MIPOL1: variants seen among roughly 807,000 people sequenced by gnomAD.
The protein encoded by MIPOL1 is mirror-image polydactyly gene 1 protein.
In MIPOL1, 57 loss-of-function variants were observed where a neutral mutation model predicts 60.9. The observed-to-expected ratio is 0.94, with a 90% CI of 0.76 to 1.17. The LOEUF (loss-of-function observed/expected upper bound fraction) is 1.17, where lower values mean the gene tolerates loss of function less well. MIPOL1 is among the 50% of genes most tolerant of loss of function. The pLI is 0.00. For synonymous variants in MIPOL1, 179 were observed against 168.8 expected (o/e 1.06, Z -0.47); for missense variants, 551 against 511.6 (o/e 1.08, Z -0.74).
At chr14:37,369,909 G>T in intron 10 of MIPOL1, 1 of 169,794 alleles carries the variant, frequency 5.9e-6, no homozygotes, top group Non-Finnish European at 1.3e-5. Context: ...ACCTTTTGTA[G>T]TTAATAAAAA....
rs1364536023 is a variant in MIPOL1, at chr14:37,428,245, TC to T, written c.1031+5297del. Reference sequence around the variant, plus strand: ...CAATGGAGGATGTATGATCAGCTCTTCGTTTTAGGGGCAGATTAAAATATGA... The same window carrying T: ...CAATGGAGGATGTATGATCAGCTCTTGTTTTAGGGGCAGATTAAAATATGA... On this transcript the variant is annotated intron_variant, in intron 11 of 12. Transcript: ENST00000684589. Among the ~76,000 whole-genome samples, 4 of 152,254 alleles carry T rather than the reference TC, an allele frequency of 2.6e-5. No individual in the cohort carries two copies. In the East Asian group the frequency reaches 7.7e-4, roughly 29 times the overall value.
chr14:37,376,805 G>T (rs1381670453), intron 10 of MIPOL1, among the ~76,000 whole-genome samples: 1 of 152,116 alleles, frequency 6.6e-6, no homozygotes, highest in Non-Finnish European at 1.5e-5. Flanking sequence ...GTACTAAGGA[G>T]TGCAATTTCT....
In MIPOL1 at chr14:37,231,435, A is replaced by G. The variant is rs929217431; in HGVS notation, c.-198-15668A>G. Among the ~76,000 whole-genome samples the G allele has an allele frequency of 2.0e-5, 3 of 152,150 alleles. No individual in the cohort carries two copies. The South Asian group carries it at 6.2e-4, about 32-fold the overall frequency. On this transcript the variant is annotated intron_variant, in intron 1 of 12. Coordinates refer to ENST00000684589, the MANE Select transcript of MIPOL1 (RefSeq NM_001388067.1). ...AATTATTTTAAATGGCTTGCACTCA[A>G]TGATTTGCCAAAATAATGGAAGTTC... is the stretch of plus-strand genomic sequence containing the variant.
intron 10 of MIPOL1, among the ~76,000 whole-genome samples, chr14:37,403,738 C>T (rs2153532431): frequency 6.6e-6 from 1 of 152,122 alleles, no homozygotes; most frequent in South Asian, 2.1e-4. Context: ...TGTTAATTGT[C>T]CTGATGTCTA....
chr14:37,527,493 T>A (rs907541191), intron 12 of MIPOL1, among the ~76,000 whole-genome samples: 3 of 152,138 alleles, frequency 2.0e-5, no homozygotes, highest in Non-Finnish European at 4.4e-5. Flanking sequence ...TTTGTTTATC[T>A]TAGCAAATAA....
At chr14:37,334,569 G>A (rs1401813134) in intron 9 of MIPOL1, among the ~76,000 whole-genome samples, 1 of 151,726 alleles carries the variant, frequency 6.6e-6, no homozygotes, top group African/African-American at 2.4e-5. Context: ...ATATTTTTCG[G>A]TATATTCAGA....
At chr14:37,280,717 G>A (rs1259155815) in intron 6 of MIPOL1, among the ~76,000 whole-genome samples, 2 of 152,080 alleles carry the variant, frequency 1.3e-5, no homozygotes, top group Admixed American at 1.3e-4. Context: ...GGAGTGCAGT[G>A]GCACGATCTT....
chr14:37,423,540 A>G (rs1028396293), intron 11 of MIPOL1: 2 of 151,938 alleles, frequency 1.3e-5, no homozygotes, highest in Admixed American at 6.6e-5. Context: ...TATGTGAGAA[A>G]GAGAAAAAAG....
intron 9 of MIPOL1, among the ~76,000 whole-genome samples, chr14:37,364,692 C>T (rs1242311179): frequency 6.6e-6 from 1 of 152,076 alleles, no homozygotes; most frequent in Non-Finnish European, 1.5e-5. Flanking sequence ...CTTAGGGTAA[C>T]TTTGGTTCTT....
chr14:37,498,909 A>G (rs1262110463), intron 11 of MIPOL1, among the ~76,000 whole-genome samples: 1 of 152,164 alleles, frequency 6.6e-6, no homozygotes, highest in Non-Finnish European at 1.5e-5. Flanking sequence ...AGATATTAGG[A>G]CAATGCCAAA....
intron 11 of MIPOL1, among the ~76,000 whole-genome samples, chr14:37,472,923 A>G (rs1178048431): frequency 6.6e-6 from 1 of 152,152 alleles, no homozygotes; most frequent in Non-Finnish European, 1.5e-5. Context: ...AGGTGCTTCA[A>G]TGTATCCCTA....
chr14:37,287,634 T>C (rs906630476), intron 7 of MIPOL1, among the ~76,000 whole-genome samples: 2 of 152,204 alleles, frequency 1.3e-5, no homozygotes, highest in Non-Finnish European at 1.5e-5. Flanking sequence ...TAATAGTCAA[T>C]TGAAGTGAAA....
At chr14:37,318,336 C>T (rs1441661222) in intron 9 of MIPOL1, among the ~76,000 whole-genome samples, 4 of 151,990 alleles carry the variant, frequency 2.6e-5, no homozygotes. Context: ...AGAAATTTGA[C>T]AAAAAGGTTA....
chr14:37,355,229 T>C (rs1210793382), intron 9 of MIPOL1, among the ~76,000 whole-genome samples: 138 of 142,892 alleles, frequency 9.7e-4, no homozygotes, highest in African/African-American at 3.3e-3. Flanking sequence ...ATGTTGAATA[T>C]TGGCCCCCAC....
At chr14:37,385,533 A>G (rs934560499) in intron 10 of MIPOL1, 4 of 152,120 alleles carry the variant, frequency 2.6e-5, no homozygotes, top group Non-Finnish European at 5.9e-5. Flanking sequence ...AGAATGGCAC[A>G]GGCCTTCAGG....
chr14:37,265,903 A>G (rs936950419), intron 3 of MIPOL1, among the ~76,000 whole-genome samples: 3 of 152,174 alleles, frequency 2.0e-5, no homozygotes, highest in Non-Finnish European at 2.9e-5. Flanking sequence ...TAGAAATCTG[A>G]AAGCTTTTAC....
chr14:37,506,392 C>A (rs1236772959), intron 12 of MIPOL1: 2 of 152,068 alleles, frequency 1.3e-5, no homozygotes, highest in Non-Finnish European at 2.9e-5. Context: ...GTACTGGTAC[C>A]AAAACAGAGG....
intron 11 of MIPOL1, among the ~76,000 whole-genome samples, chr14:37,433,442 C>G: frequency 6.6e-6 from 1 of 152,108 alleles, no homozygotes; most frequent in Non-Finnish European, 1.5e-5. Flanking sequence ...CATTGTTCAA[C>G]TTCCGCTTAT....
intron 10 of MIPOL1, among the ~76,000 whole-genome samples, 169 bp from the exon 11 acceptor site, chr14:37,422,686 T>G (rs373588060): frequency 4.6e-5 from 7 of 152,088 alleles, no homozygotes; most frequent in East Asian, 3.9e-4. Context: ...GTGTTTGTAT[T>G]ATTAATGCCT....
Sources: allele counts gnomAD v4.1 joint callset (sites outside exome capture counted in the v4.1 genomes callset), GRCh38; gene constraint gnomAD v4.1.1; transcripts MANE v1.5; gene names NCBI Gene and HGNC (gene_info 2026-07-23, HGNC 2026-07-21).